Variants in STK26 observed in about 807,000 individuals in gnomAD.
The protein encoded by STK26 is serine/threonine kinase 26, also known as serine/threonine-protein kinase 26.
Under a neutral mutation model 34.7 loss-of-function variants are expected in STK26, and 14 were observed. The ratio of observed to expected loss-of-function variants is 0.40; its 90% CI spans 0.27 to 0.63. STK26 has a LOEUF of 0.63. STK26 is among the 30% of genes least tolerant of loss of function. STK26 has a pLI of 0.38. For synonymous variants in STK26, 100 were observed against 109.8 expected (o/e 0.91, Z 0.56); for missense variants, 226 against 309.1 (o/e 0.73, Z 2.02).
At chrX:132,051,619 T>C (rs1926692645) in intron 2 of STK26, among the ~76,000 whole-genome samples, 1 of 111,458 alleles carries the variant, frequency 9.0e-6, no homozygotes, top group Admixed American at 9.5e-5. Context: ...TTATTATACT[T>C]TAAGTTCTGG....
rs144264733 is a variant in STK26 at position 132,058,805 on chromosome X, A to G, written c.273+3944A>G. ...CATTAACTAAACTCTATGATATAAA[A>G]CACTACTTTGAAGAACATGTTGCTT... is the stretch of plus-strand genomic sequence containing the variant. On this transcript the variant is annotated intron_variant, in intron 3 of 11. Coordinates refer to ENST00000394334, the MANE Select transcript of STK26 (RefSeq NM_016542.4). 1.8e-3 allele frequency among the ~76,000 whole-genome samples: 197 copies of G among 111,211 alleles called. 1 individual carries two copies. The highest frequency in any genetic ancestry group is 6.1e-3 in the African/African-American group (188 of 30,578).
intron 2 of STK26, among the ~76,000 whole-genome samples, chrX:132,054,224 G>A (rs1271159621): frequency 8.9e-6 from 1 of 112,144 alleles, no homozygotes; most frequent in Non-Finnish European, 1.9e-5. Flanking sequence ...AGTGTTAAAA[G>A]GTAATATTGG....
intron 8 of STK26, among the ~76,000 whole-genome samples, chrX:132,071,847 T>G (rs1324165509): frequency 1.8e-5 from 2 of 112,033 alleles, no homozygotes; most frequent in African/African-American, 3.2e-5. Context: ...TACTCTGAGA[T>G]TCTTCCATTT....
intron 2 of STK26, among the ~76,000 whole-genome samples, chrX:132,045,202 G>T (rs1366710158): frequency 9.0e-6 from 1 of 110,526 alleles, no homozygotes; most frequent in Non-Finnish European, 1.9e-5. Context: ...CTTCATTACA[G>T]TGTTAGAGTG....
intron 2 of STK26, among the ~76,000 whole-genome samples, chrX:132,049,403 C>G (rs1926611142): frequency 8.9e-6 from 1 of 112,069 alleles, no homozygotes; most frequent in African/African-American, 3.2e-5. Context: ...CATAATAGAA[C>G]AGTAATTTAA....
intron 3 of STK26, among the ~76,000 whole-genome samples, chrX:132,061,830 T>C (rs936919560): frequency 1.8e-5 from 2 of 111,180 alleles, no homozygotes; most frequent in Non-Finnish European, 3.8e-5. Context: ...AAATTTTAAA[T>C]TGGACTCCTG....
In STK26 at chrX:132,069,566, T is replaced by C; in HGVS notation, c.686T>C (p.Phe229Ser). Residue 229 changes from phenylalanine (F) to serine (S), a missense_variant, in exon 7 of 12, where the codon TTT becomes TCT. Phe to Ser is a radical substitution (Grantham distance 155, BLOSUM62 -2). Coordinates refer to ENST00000394334, the MANE Select transcript of STK26 (RefSeq NM_016542.4). The part of the protein sequence containing the change: ...NSDMHPMRVL[F>S]LIPKNNPPTL... The stretch of plus-strand genomic sequence containing the variant: ...GATATGCATCCAATGAGAGTTCTGT[T>C]TCTTATTCCCAAAAACAATCCTCCA... 8.4e-7 allele frequency: 1 copy of C among 1,185,546 alleles called. No individual in the cohort carries two copies. Among genetic ancestry groups the C allele is most frequent in the Non-Finnish European group, 1.1e-6 (1 of 882,596 alleles).
At chrX:132,033,363 C>T (rs1925913030) in intron 2 of STK26, among the ~76,000 whole-genome samples, 3 of 112,182 alleles carry the variant, frequency 2.7e-5, no homozygotes, top group Admixed American at 9.4e-5. Flanking sequence ...TGCACACATA[C>T]TACTAAGTAT....
chrX:132,044,438 G>A (rs1186246064), intron 2 of STK26, among the ~76,000 whole-genome samples: 1 of 109,111 alleles, frequency 9.2e-6, no homozygotes, highest in Non-Finnish European at 1.9e-5. Flanking sequence ...AGGAGAGCAA[G>A]GTATTGTAGA....
Position 132,050,610 on chromosome X carries a change from T to C in STK26, c.43-4021T>C, listed in dbSNP as rs186746881. 1.6e-3 allele frequency among the ~76,000 whole-genome samples: 178 copies of C among 112,287 alleles called. 1 individual carries two copies. Among genetic ancestry groups the C allele is most frequent in the Admixed American group, 5.1e-3 (54 of 10,590 alleles). On this transcript the variant is annotated intron_variant, in intron 2 of 11. Coordinates refer to ENST00000394334, the MANE Select transcript of STK26 (RefSeq NM_016542.4). ...AAATAAATTCGTGTGTAAGTGAACC[T>C]ATACAGTTAAAACCCATGTTGTTCA...
intron 2 of STK26, among the ~76,000 whole-genome samples, chrX:132,033,625 A>G (rs1439169790): frequency 8.9e-6 from 1 of 111,890 alleles, no homozygotes; most frequent in African/African-American, 3.3e-5. Flanking sequence ...ATTGGACTTT[A>G]CCAGCTTGGA....
intron 4 of STK26, 23 bp downstream of exon 4, chrX:132,063,512 A>C (rs760458001): frequency 2.5e-6 from 3 of 1,187,698 alleles, no homozygotes; most frequent in East Asian, 5.9e-5. Flanking sequence ...AAATAGTTAC[A>C]CACAGATGCA....
At chrX:132,025,045 C>T (rs1204854299) in intron 2 of STK26, among the ~76,000 whole-genome samples, 4 of 111,442 alleles carry the variant, frequency 3.6e-5, no homozygotes, top group Non-Finnish European at 7.5e-5. Context: ...GGCCTCCCCT[C>T]TCCTTCCCTC....
rs769558719 is a variant in STK26, at chrX:132,073,038, G to T, written c.1171G>T (p.Ala391Ser). 1.7e-6 allele frequency: 2 copies of T among 1,209,403 alleles called. No homozygotes were observed. The highest frequency in any genetic ancestry group is 2.2e-6 in the Non-Finnish European group (2 of 894,160). Residue 391 changes from alanine to serine, a missense_variant, in exon 11 of 12, where the codon GCC becomes TCC. Around this residue, in one of 2 missense-constraint regions of STK26, gnomAD observed 126 missense variants for 132.4 expected, o/e 0.95. Transcript: ENST00000394334. The stretch of plus-strand genomic sequence containing the variant: ...GAAAAGTATTGCTGTGGCTGAAGCC[G>T]CCTGTCCCGGCATCACAGATAAAAT... ...LEKSIAVAEAACPGITDKMVK... is the reference protein window; with the variant it reads ...LEKSIAVAEASCPGITDKMVK...
At chrX:132,061,062 C>T (rs1404100979) in intron 3 of STK26, among the ~76,000 whole-genome samples, 1 of 112,063 alleles carries the variant, frequency 8.9e-6, no homozygotes, top group African/African-American at 3.2e-5. Flanking sequence ...AGACAGTTGG[C>T]AAGTTTCTGT....
intron 3 of STK26, 94 bp from the exon 4 acceptor site, chrX:132,063,339 G>C: frequency 3.9e-6 from 3 of 763,805 alleles, no homozygotes; most frequent in Non-Finnish European, 5.8e-6. Flanking sequence ...CATGCAAATA[G>C]AATCTGTGCT....
chrX:132,040,728 C>T (rs945694577), intron 2 of STK26, among the ~76,000 whole-genome samples: 1 of 111,459 alleles, frequency 9.0e-6, no homozygotes, highest in African/African-American at 3.3e-5. Context: ...TTGTTTCCTC[C>T]TTGTACTGAG....
At chrX:132,037,041 A>C (rs1926076804) in intron 2 of STK26, among the ~76,000 whole-genome samples, 1 of 112,023 alleles carries the variant, frequency 8.9e-6, no homozygotes, top group Non-Finnish European at 1.9e-5. Context: ...GAATTAAGAG[A>C]AATCAATGTA....
chrX:132,033,762 T>G (rs1343784476), intron 2 of STK26, among the ~76,000 whole-genome samples: 2 of 111,372 alleles, frequency 1.8e-5, no homozygotes, highest in Non-Finnish European at 3.8e-5. Flanking sequence ...CTGTCTATCT[T>G]TGAAATACAA....
Sources: gnomAD v4.1 joint callset for allele counts (sites outside exome capture counted in the v4.1 genomes callset) on GRCh38, gnomAD v4.1.1 for gene constraint, gnomAD v4.1.1 regional missense constraint, MANE v1.5 for transcripts, NCBI Gene and HGNC (gene_info 2026-07-23, HGNC 2026-07-21) for gene names.